Variants in TMEM209 observed in about 807,000 individuals in gnomAD.
The protein encoded by TMEM209 is testicular tissue protein Li 202.
TMEM209 carries 65 observed loss-of-function variants against 76.2 expected under a neutral mutation model. The observed-to-expected ratio is 0.85, with a 90% CI of 0.70 to 1.05. TMEM209 has a LOEUF of 1.05. Among genes scored for constraint, TMEM209 ranks in the 50% least tolerant of loss-of-function variants. The pLI, the probability that TMEM209 is intolerant of heterozygous loss-of-function variation, is 0.00. For synonymous variants in TMEM209, 239 were observed against 237.6 expected (o/e 1.01, Z -0.06); for missense variants, 623 against 685.5 (o/e 0.91, Z 1.02).
chr7:130,191,693 C>G (rs1442102637), intron 6 of TMEM209, among the ~76,000 whole-genome samples: 1 of 152,066 alleles, frequency 6.6e-6, no homozygotes, highest in African/African-American at 2.4e-5. Flanking sequence ...CACTTCCAAA[C>G]AATAATAATA....
chr7:130,201,088 C>CAAAAAAAA (rs869309249), intron 5 of TMEM209, among the ~76,000 whole-genome samples: 7 of 74,168 alleles, frequency 9.4e-5, no homozygotes, highest in Admixed American at 3.7e-4. Context: ...GACTCTGTCT[C>CAAAAAAAA]AAAAAAAAAA....
chr7:130,179,562 A>T (rs1446317993), intron 9 of TMEM209, among the ~76,000 whole-genome samples: 1 of 152,210 alleles, frequency 6.6e-6, no homozygotes, highest in Non-Finnish European at 1.5e-5. Context: ...AGCAATTAAA[A>T]ATTTCAAAAT....
chr7:130,178,368 G>A lies in TMEM209; in HGVS notation c.1246+34C>T, dbSNP rs143637847. On this transcript the variant is annotated intron_variant, in intron 10 of 14. Coordinates refer to ENST00000397622, the MANE Select transcript of TMEM209 (RefSeq NM_032842.4). ...GATAAAATTCCAGCATAGTAAAAAA[G>A]CTCTTATTTTTTTCTCTTCAAATCA... The A allele has an allele frequency of 1.3e-4, 201 of 1,544,202 alleles. No homozygotes were observed. The African/African-American group carries it at 2.1e-3, about 16-fold the overall frequency.
intron 3 of TMEM209, 32 bp downstream of exon 3, chr7:130,203,756 A>C: frequency 6.4e-7 from 1 of 1,558,856 alleles, no homozygotes; most frequent in Non-Finnish European, 8.7e-7. Context: ...TTTATTGGTA[A>C]ATGTAAGTTA....
intron 3 of TMEM209, among the ~76,000 whole-genome samples, chr7:130,203,473 T>C (rs1798294408): frequency 1.3e-5 from 2 of 152,326 alleles, no homozygotes; most frequent in South Asian, 4.1e-4. Context: ...GGGCTGGTCT[T>C]GAAAAGTAAA....
At position 130,173,630 on chromosome 7, in the gene TMEM209, A is replaced by G. The variant is rs1268253758; in HGVS notation, c.1557+2T>C. On this transcript the variant is annotated splice_donor_variant, in intron 13 of 14. Transcript: ENST00000397622. LOFTEE classifies it high-confidence loss of function. ...AACAGCATCTTCTCTATATAGAAAT[A>G]CCTTTGGCAGGTTGTATACATGACG... 3 of 1,606,634 alleles carry G rather than the reference A, an allele frequency of 1.9e-6. No individual in the cohort carries two copies. Among genetic ancestry groups the G allele is most frequent in the Middle Eastern group, 1.9e-4 (1 of 5,162 alleles).
intron 11 of TMEM209, among the ~76,000 whole-genome samples, chr7:130,174,309 C>T (rs550061981): frequency 5.7e-4 from 87 of 152,238 alleles, no homozygotes; most frequent in African/African-American, 2.0e-3. Context: ...GCCATCAAAT[C>T]AGTCTATATT....
chr7:130,181,173 G>T (rs969482721), intron 9 of TMEM209, among the ~76,000 whole-genome samples: 1 of 152,216 alleles, frequency 6.6e-6, no homozygotes, highest in African/African-American at 2.4e-5. Flanking sequence ...GACAAACTTT[G>T]AAAGCATTAT....
chr7:130,175,520 C>G lies in TMEM209; in HGVS notation c.1336G>C (p.Asp446His), dbSNP rs779168837. The change falls in exon 11 of 15, where the codon GAT (aspartate) becomes CAT (histidine). Residue 446 changes from aspartate (D) to histidine (H), a missense_variant. Physicochemically the swap from Asp to His is moderately conservative, Grantham distance 81. Coordinates refer to ENST00000397622, the MANE Select transcript of TMEM209 (RefSeq NM_032842.4). ...GRKWDTDLPT[D>H]SAIIMHVFCT... is the part of the protein sequence containing the mutation. ...AGAATCTAGGGGCTTACAGCAGAAT[C>G]GGTGGGCAGGTCTGTATCCCACTTT... The G allele has an allele frequency of 1.2e-6, 2 of 1,611,690 alleles. No individual in the cohort carries two copies. Among genetic ancestry groups the G allele is most frequent in the African/African-American group, 2.7e-5 (2 of 74,890 alleles).
At chr7:130,201,677 C>G in intron 5 of TMEM209, 173 bp downstream of exon 5, 1 of 808,312 alleles carries the variant, frequency 1.2e-6, no homozygotes, top group South Asian at 1.9e-5. Context: ...TTTTCTCTTT[C>G]ATTTTAAGAT....
At chr7:130,171,498 A>C (rs1797065283) in intron 13 of TMEM209, among the ~76,000 whole-genome samples, 1 of 152,218 alleles carries the variant, frequency 6.6e-6, no homozygotes, top group South Asian at 2.1e-4. Flanking sequence ...CAAGGAAAAA[A>C]AAACAGATGG....
intron 2 of TMEM209, 24 bp from the exon 3 acceptor site, chr7:130,203,870 T>C (rs1489901328): frequency 3.1e-6 from 5 of 1,595,536 alleles, no homozygotes; most frequent in Non-Finnish European, 8.5e-7. Context: ...AGAAAGGCTT[T>C]CCAGTGAACC....
intron 11 of TMEM209, chr7:130,175,202 C>CTT (rs1408379133): frequency 2.6e-5 from 7 of 265,282 alleles, no homozygotes; most frequent in African/African-American, 1.5e-4. Context: ...TAGCTCGTGT[C>CTT]TGTAAACCCA....
At chr7:130,200,126 T>C (rs936189606) in intron 5 of TMEM209, among the ~76,000 whole-genome samples, 1 of 152,070 alleles carries the variant, frequency 6.6e-6, no homozygotes, top group Middle Eastern at 3.2e-3. Context: ...GATAGGACTA[T>C]TAAACATTTA....
chr7:130,180,664 C>T (rs575078131), intron 9 of TMEM209, among the ~76,000 whole-genome samples: 5 of 152,092 alleles, frequency 3.3e-5, no homozygotes, highest in South Asian at 2.1e-4. Flanking sequence ...CCACCGCGCC[C>T]GGCCAAAAAA....
At chr7:130,188,854 C>T (rs1361330831) in intron 6 of TMEM209, among the ~76,000 whole-genome samples, 3 of 152,108 alleles carry the variant, frequency 2.0e-5, no homozygotes, top group Non-Finnish European at 4.4e-5. Flanking sequence ...ATGCCACCAC[C>T]CATGTTGTAT....
intron 5 of TMEM209, among the ~76,000 whole-genome samples, chr7:130,198,442 C>G (rs1282265655): frequency 6.6e-6 from 1 of 152,102 alleles, no homozygotes; most frequent in Non-Finnish European, 1.5e-5. Context: ...GAAACCCCGT[C>G]TCTACTAAAA....
intron 6 of TMEM209, among the ~76,000 whole-genome samples, chr7:130,189,890 T>C (rs1291180444): frequency 6.6e-6 from 1 of 152,172 alleles, no homozygotes; most frequent in African/African-American, 2.4e-5. Flanking sequence ...CTAAGTATCA[T>C]TCTCCATTAA....
intron 13 of TMEM209, among the ~76,000 whole-genome samples, chr7:130,170,829 G>C (rs928893132): frequency 2.7e-5 from 4 of 150,308 alleles, no homozygotes; most frequent in Non-Finnish European, 1.5e-5. Context: ...CTGAGGGAAA[G>C]ATTTTTTTTT....
Sources: gnomAD v4.1 joint callset for allele counts (sites outside exome capture counted in the v4.1 genomes callset) on GRCh38, gnomAD v4.1.1 for gene constraint, MANE v1.5 for transcripts, NCBI Gene and HGNC (gene_info 2026-07-23, HGNC 2026-07-21) for gene names.